Variants in GAK observed in about 807,000 individuals in gnomAD.
GAK encodes cyclin-G-associated kinase.
A neutral mutation model predicts 143.9 loss-of-function variants in GAK; 79 were observed. The observed-to-expected ratio is 0.55, with a 90% CI of 0.46 to 0.66. GAK has a LOEUF of 0.66. Among genes scored for constraint, GAK ranks in the 30% least tolerant of loss-of-function variants. The pLI is 0.00. For synonymous variants in GAK, 881 were observed against 765.5 expected, an observed-to-expected ratio of 1.15 and a Z score of -2.49; for missense variants, 1,693 against 1,779.7, an observed-to-expected ratio of 0.95 and a Z score of 0.88.
intron 24 of GAK, chr4:853,798 A>G (rs1335316374): frequency 8.5e-6 from 1 of 118,182 alleles, no homozygotes; most frequent in Non-Finnish European, 1.7e-5. Flanking sequence ...TCTCTTGCCC[A>G]TTTTCTTTTT....
intron 24 of GAK, among the ~76,000 whole-genome samples, chr4:856,057 C>A (rs1749065852): frequency 6.6e-6 from 1 of 152,192 alleles, no homozygotes; most frequent in Non-Finnish European, 1.5e-5. Flanking sequence ...ATAGCTCAGG[C>A]CAGCCTTGAC....
chr4:894,040 C>A, intron 7 of GAK, 31 bp from the exon 8 acceptor site: 1 of 1,551,364 alleles, frequency 6.4e-7, no homozygotes, highest in Non-Finnish European at 8.7e-7. Flanking sequence ...ATGCCTAGGC[C>A]CACGGGGAGC....
Position 887,234 on chromosome 4 carries a change from A to ACTCATGCACGCGG in GAK, c.1205+1612_1205+1613insCCGCGTGCATGAG, listed in dbSNP as rs1383808143. The ACTCATGCACGCGG allele has an allele frequency of 8.4e-4, 105 of 125,032 alleles. 2 individuals carry two copies. The highest frequency in any genetic ancestry group is 3.0e-3 in the African/African-American group (100 of 33,260). 7.7% of individuals were successfully genotyped at this position (125,032 alleles called of 1,614,324 possible). A position where few individuals can be genotyped will look rare whatever the true frequency, so the allele number is the denominator to read the frequency against. ...GTACACATGCACGCGGCTCACGCGC[A>ACTCATGCACGCGG]CTCACGTGTACACATGCACGCGGCT... is the stretch of plus-strand genomic sequence containing the variant. On this transcript the variant is annotated intron_variant, in intron 11 of 27. Transcript: ENST00000314167.
intron 16 of GAK, 126 bp downstream of exon 16, chr4:877,489 C>T (rs368684704): frequency 1.7e-5 from 17 of 987,050 alleles, no homozygotes; most frequent in South Asian, 1.5e-4. Context: ...CTGCCACAGA[C>T]GCCACAGTTC....
chr4:892,184 C>T (rs1717804875), intron 9 of GAK, among the ~76,000 whole-genome samples: 2 of 152,236 alleles, frequency 1.3e-5, no homozygotes, highest in Non-Finnish European at 2.9e-5. Context: ...ACGCTCCACA[C>T]CCACCGCCTG....
intron 24 of GAK, among the ~76,000 whole-genome samples, chr4:858,406 C>T (rs1183216895): frequency 2.0e-5 from 3 of 152,216 alleles, no homozygotes; most frequent in South Asian, 4.2e-4. Flanking sequence ...ACACAAACGG[C>T]GGGGATCCCT....
chr4:867,504 C>T lies in GAK; in HGVS notation c.2396-72G>A, dbSNP rs3733354. The T allele has an allele frequency of 9.7e-3, 9,891 of 1,022,580 alleles. 744 individuals are homozygous for T. In the East Asian group the frequency reaches 0.15, roughly 15 times the overall value. The allele number at this position is 1,022,580 out of a possible 1,614,324, so 63.3% of individuals were successfully genotyped here. A position where few individuals can be genotyped will look rare whatever the true frequency, so the allele number is the denominator to read the frequency against. On this transcript the variant is annotated intron_variant, in intron 20 of 27. Coordinates refer to ENST00000314167, the MANE Select transcript of GAK (RefSeq NM_005255.4). ...GCACCAGGGTCCCCACGGCGCGTCC[C>T]TTCAGGGCCTCCTCGGCCCAGGGCC...
intron 5 of GAK, among the ~76,000 whole-genome samples, chr4:903,281 G>A (rs547168905): frequency 2.0e-5 from 3 of 151,906 alleles, no homozygotes; most frequent in Admixed American, 6.5e-5. Context: ...ACCCCGGGAT[G>A]CCACGCCTCG....
chr4:852,194 T>G, intron 24 of GAK: 1 of 607,472 alleles, frequency 1.6e-6, no homozygotes, highest in Non-Finnish European at 2.9e-6. Context: ...ACACTCTGGA[T>G]GGAGGGCAGA....
intron 11 of GAK, chr4:887,058 G>A (rs868728854): frequency 8.7e-5 from 13 of 148,786 alleles, no homozygotes; most frequent in Non-Finnish European, 1.3e-4. Context: ...CGGCCCACAC[G>A]CACTCACAGG....
intron 25 of GAK, chr4:851,424 C>T (rs527712992): frequency 8.4e-5 from 42 of 500,714 alleles, no homozygotes; most frequent in Non-Finnish European, 1.4e-4. Context: ...CAGAGACACA[C>T]AGGCCCAATT....
At chr4:896,595 C>T in intron 6 of GAK, 46 bp from the exon 7 acceptor site, 1 of 1,455,302 alleles carries the variant, frequency 6.9e-7, no homozygotes, top group Non-Finnish European at 9.6e-7. Context: ...ATCCCACAAA[C>T]AGTATTTTTT....
chr4:877,589 C>T (rs2306254), intron 16 of GAK, 26 bp downstream of exon 16: 60,469 of 1,546,042 alleles, frequency 0.039, 1,826 homozygotes, highest in East Asian at 0.17. Context: ...GGAGGGAGCA[C>T]AGCGTGGGGC....
intron 4 of GAK, 62 bp from the exon 5 acceptor site, chr4:904,841 G>A: frequency 3.2e-6 from 5 of 1,556,580 alleles, no homozygotes; most frequent in Non-Finnish European, 4.4e-6. Context: ...GGGAACCTAG[G>A]GCTGTTTCAC....
chr4:911,888 C>T (rs1304614198), intron 3 of GAK, 101 bp from the exon 4 acceptor site: 1 of 907,300 alleles, frequency 1.1e-6, no homozygotes, highest in Non-Finnish European at 1.8e-6. Flanking sequence ...AGTCAGAATA[C>T]TTGAATCGAA....
In GAK at chr4:867,310, C is replaced by T. The variant is rs375665390; in HGVS notation, c.2518G>A (p.Gly840Ser). Residue 840 changes from glycine to serine, a missense_variant, in exon 21 of 28, where the codon GGC becomes AGC. Transcript: ENST00000314167. ...DEGGSPISSE[G>S]QEPRADPEPP... The stretch of plus-strand genomic sequence containing the variant: ...TCTGGGTCGGCCCTGGGTTCCTGGC[C>T]CTCGCTGGAGATCGGGGATCCCCCT... 1.5e-5 allele frequency: 24 copies of T among 1,611,632 alleles called. No homozygotes were observed. The highest frequency in any genetic ancestry group is 1.9e-5 in the Non-Finnish European group (22 of 1,178,840).
At chr4:910,908 G>A (rs910674067) in intron 4 of GAK, among the ~76,000 whole-genome samples, 50 of 152,130 alleles carry the variant, frequency 3.3e-4, no homozygotes, top group African/African-American at 1.2e-3. Flanking sequence ...GCCGCCCTCT[G>A]AGGCACAGGT....
intron 10 of GAK, among the ~76,000 whole-genome samples, chr4:889,197 G>A (rs894291763): frequency 2.0e-5 from 3 of 152,170 alleles, no homozygotes; most frequent in African/African-American, 7.2e-5. Context: ...CCAGGCCTCA[G>A]CACTGGCAGG....
Position 851,095 on chromosome 4 carries a change from A to G in GAK, c.3509-11T>C, listed in dbSNP as rs553374725. The G allele has an allele frequency of 2.7e-5, 43 of 1,611,876 alleles. No homozygotes were observed. In the South Asian group the frequency reaches 4.5e-4, roughly 17 times the overall value. On this transcript the variant is annotated splice_polypyrimidine_tract_variant and intron_variant, in intron 25 of 27. Transcript: ENST00000314167. ...CTTTTGGCTTTTGAGCTAGAAAAGA[A>G]CAGAAACTTTTTTTTGTTTGAGACA...
Sources: gnomAD v4.1 joint callset for allele counts (sites outside exome capture counted in the v4.1 genomes callset) on GRCh38, gnomAD v4.1.1 for gene constraint, MANE v1.5 for transcripts, NCBI Gene and HGNC (gene_info 2026-07-23, HGNC 2026-07-21) for gene names.